The following JAZF1 variants were observed in gnomAD, a reference collection of about 807,000 sequenced individuals.
JAZF1 encodes the protein juxtaposed with another zinc finger protein 1.
In JAZF1, 8 loss-of-function variants were observed where a neutral mutation model predicts 26.4. The ratio of observed to expected loss-of-function variants is 0.30; its 90% CI spans 0.18 to 0.55. The LOEUF (loss-of-function observed/expected upper bound fraction) is 0.55, where lower values mean the gene tolerates loss of function less well. Ranked by LOEUF, JAZF1 falls within the 20% of genes least tolerant of loss-of-function variation. The pLI, the probability that JAZF1 is intolerant of heterozygous loss-of-function variation, is 0.94. For synonymous variants in JAZF1, 126 were observed against 122.3 expected (o/e 1.03, Z -0.20); for missense variants, 199 against 322.0 (o/e 0.62, Z 2.92).
rs184462826 is a variant in JAZF1, at chr7:28,050,498, C to A, written c.116-58517G>T. Among the ~76,000 whole-genome samples the A allele has an allele frequency of 3.0e-3, 441 of 149,188 alleles. 2 individuals are homozygous for A. Among genetic ancestry groups the A allele is most frequent in the African/African-American group, 0.011 (423 of 38,558 alleles). On this transcript the variant is annotated intron_variant, in intron 1 of 4. Transcript: ENST00000283928. Reference sequence around the variant, plus strand: ...TATTTTATCTTATATGAATTGTATTCCACAACAACAACAGTTATAAAGAAT... The same window carrying A: ...TATTTTATCTTATATGAATTGTATTACACAACAACAACAGTTATAAAGAAT...
intron 1 of JAZF1, among the ~76,000 whole-genome samples, chr7:28,078,107 T>C (rs1257391972): frequency 1.3e-5 from 2 of 152,246 alleles, no homozygotes; most frequent in African/African-American, 4.8e-5. Context: ...TGAAAAAAAT[T>C]GAGAATTTTT....
chr7:28,162,654 C>A (rs1166861192), intron 1 of JAZF1, among the ~76,000 whole-genome samples: 1 of 152,196 alleles, frequency 6.6e-6, no homozygotes, highest in Non-Finnish European at 1.5e-5. Flanking sequence ...TCTTTAAATA[C>A]CCTTTAAGTC....
At chr7:27,854,865 CTT>C (rs1326531920) in intron 3 of JAZF1, among the ~76,000 whole-genome samples, 1 of 152,144 alleles carries the variant, frequency 6.6e-6, no homozygotes, top group African/African-American at 2.4e-5. Context: ...CAAGGAGTAT[CTT>C]TGTAGTATTC....
At chr7:27,944,240 A>T (rs2128353130) in intron 2 of JAZF1, among the ~76,000 whole-genome samples, 1 of 152,254 alleles carries the variant, frequency 6.6e-6, no homozygotes, top group East Asian at 1.9e-4. Context: ...TGTTAGATGC[A>T]TATCTGTAGT....
intron 1 of JAZF1, among the ~76,000 whole-genome samples, chr7:28,095,318 A>G (rs1784366188): frequency 1.3e-5 from 2 of 152,176 alleles, no homozygotes; most frequent in Non-Finnish European, 2.9e-5. Context: ...CTCACAGTTC[A>G]GCATTATCGG....
chr7:27,972,840 G>GAT (rs147011744), intron 2 of JAZF1, among the ~76,000 whole-genome samples: 2,792 of 149,054 alleles, frequency 0.019, 71 homozygotes, highest in African/African-American at 0.058. Context: ...TGGGGGGAAT[G>GAT]ATATATATAT....
At chr7:27,910,041 A>T (rs1425582001) in intron 2 of JAZF1, among the ~76,000 whole-genome samples, 1 of 152,232 alleles carries the variant, frequency 6.6e-6, no homozygotes, top group Non-Finnish European at 1.5e-5. Flanking sequence ...GCAAAGGAGG[A>T]GCACTGTTAT....
chr7:28,008,082 G>T (rs1204382280), intron 1 of JAZF1, among the ~76,000 whole-genome samples: 1 of 152,110 alleles, frequency 6.6e-6, no homozygotes, highest in Non-Finnish European at 1.5e-5. Flanking sequence ...AGAGGTTCTA[G>T]TCCAGGTTCT....
intron 2 of JAZF1, among the ~76,000 whole-genome samples, chr7:27,979,331 A>T (rs1785533788): frequency 6.7e-6 from 1 of 148,660 alleles, no homozygotes; most frequent in African/African-American, 2.5e-5. Flanking sequence ...TGCAGAAAAT[A>T]CAGTATAATT....
At chr7:27,987,464 G>T (rs537992436) in intron 2 of JAZF1, among the ~76,000 whole-genome samples, 1 of 152,038 alleles carries the variant, frequency 6.6e-6, no homozygotes, top group Non-Finnish European at 1.5e-5. Context: ...CCTGGCAGCC[G>T]CCCCGTCCAG....
At chr7:27,979,582 A>G (rs2128361781) in intron 2 of JAZF1, among the ~76,000 whole-genome samples, 1 of 151,844 alleles carries the variant, frequency 6.6e-6, no homozygotes, top group African/African-American at 2.4e-5. Flanking sequence ...TCAGTTATCC[A>G]TTTCTGGGAA....
At chr7:27,860,790 G>A (rs1465055969) in intron 3 of JAZF1, among the ~76,000 whole-genome samples, 1 of 152,148 alleles carries the variant, frequency 6.6e-6, no homozygotes, top group Non-Finnish European at 1.5e-5. Flanking sequence ...CCCTCAGATG[G>A]ACTGTAAGCC....
Position 28,179,616 on chromosome 7 carries a change from C to T in JAZF1, c.115+847G>A, listed in dbSNP as rs1583602201. Among the ~76,000 whole-genome samples, 4 of 150,912 alleles carry T rather than the reference C, an allele frequency of 2.7e-5. 1 individual carries two copies. The highest frequency in any genetic ancestry group is 2.1e-4 in the South Asian group (1 of 4,826). The stretch of plus-strand genomic sequence containing the variant: ...CAGGGGCCTCCAGGGCGCGTCGACC[C>T]CGGGGCGCTGGGCGCGGCCCGCGGG... On this transcript the variant is annotated intron_variant, in intron 1 of 4. Transcript: ENST00000283928.
At chr7:28,093,296 C>A (rs1784331927) in intron 1 of JAZF1, among the ~76,000 whole-genome samples, 1 of 152,146 alleles carries the variant, frequency 6.6e-6, no homozygotes, top group East Asian at 1.9e-4. Flanking sequence ...CTTGCGAGAT[C>A]TGATGGTTTT....
At chr7:28,097,958 T>C (rs1178423074) in intron 1 of JAZF1, among the ~76,000 whole-genome samples, 1 of 152,184 alleles carries the variant, frequency 6.6e-6, no homozygotes, top group Admixed American at 6.5e-5. Context: ...ATAACGTAGT[T>C]ATTATTATTA....
In JAZF1 at chr7:28,130,961, C is replaced by A. The variant is rs563784564; in HGVS notation, c.115+49502G>T. ...AGACCCATGGATCCCTCACTACCAT[C>A]ATGAAAAGTTATATATTCTGGGAAA... On this transcript the variant is annotated intron_variant, in intron 1 of 4. Transcript: ENST00000283928. Among the ~76,000 whole-genome samples, 15 of 152,272 alleles carry A rather than the reference C, an allele frequency of 9.9e-5. No homozygotes were observed. In the South Asian group the frequency reaches 2.9e-3, roughly 29 times the overall value.
chr7:27,844,163 CAG>C (rs1457833321), intron 3 of JAZF1: 1 of 152,250 alleles, frequency 6.6e-6, no homozygotes, highest in African/African-American at 2.4e-5. Context: ...GCGTCCCTGA[CAG>C]GGCGTGGGGT....
At chr7:27,994,664 A>C (rs1005115754) in intron 1 of JAZF1, among the ~76,000 whole-genome samples, 73 of 152,292 alleles carry the variant, frequency 4.8e-4, no homozygotes, top group African/African-American at 1.8e-3. Flanking sequence ...CTTAAAATGA[A>C]ATTAGGCACT....
At chr7:28,025,763 T>C (rs1783084258) in intron 1 of JAZF1, among the ~76,000 whole-genome samples, 1 of 152,160 alleles carries the variant, frequency 6.6e-6, no homozygotes, top group Non-Finnish European at 1.5e-5. Flanking sequence ...TGGACTGATG[T>C]GAGATGGAAA....
Sources: gnomAD v4.1 joint callset for allele counts (sites outside exome capture counted in the v4.1 genomes callset) on GRCh38, gnomAD v4.1.1 for gene constraint, MANE v1.5 for transcripts, NCBI Gene and HGNC (gene_info 2026-07-23, HGNC 2026-07-21) for gene names.